CPED1: variants seen among roughly 807,000 people sequenced by gnomAD.
CPED1 encodes the protein cadherin like and PC-esterase domain containing 1.
A neutral mutation model predicts 128.2 loss-of-function variants in CPED1; 114 were observed. The observed-to-expected ratio is 0.89, with a 90% CI of 0.76 to 1.04. CPED1 has a LOEUF of 1.04. Among genes scored for constraint, CPED1 ranks in the 50% least tolerant of loss-of-function variants. CPED1 has a pLI of 0.00. For synonymous variants in CPED1, 462 were observed against 426.7 expected (o/e 1.08, Z -1.02); for missense variants, 1,211 against 1,207.1 (o/e 1.00, Z -0.05).
At chr7:121,141,650 T>C (rs1452547423) in intron 15 of CPED1, among the ~76,000 whole-genome samples, 1 of 152,076 alleles carries the variant, frequency 6.6e-6, no homozygotes, top group Non-Finnish European at 1.5e-5. Flanking sequence ...TTCTAGGTCA[T>C]GGTCTTTATA....
At position 121,133,806 on chromosome 7, in the gene CPED1, T is replaced by C; in HGVS notation, c.1578-17T>C. 6.4e-7 allele frequency: 1 copy of C among 1,566,928 alleles called. No individual in the cohort carries two copies. Among genetic ancestry groups the C allele is most frequent in the South Asian group, 1.2e-5 (1 of 86,674 alleles). ...TTCATTTCATTAATCCAGAGTTGTT[T>C]GGCATTGCATTTGCAGGAATTCTTT... On this transcript the variant is annotated splice_polypyrimidine_tract_variant and intron_variant, in intron 12 of 22. Transcript: ENST00000310396.
At chr7:121,262,531 T>A (rs1015513441) in intron 18 of CPED1, among the ~76,000 whole-genome samples, 1 of 152,058 alleles carries the variant, frequency 6.6e-6, no homozygotes, top group African/African-American at 2.4e-5. Context: ...CATGTCTTTG[T>A]GTTTAAAACC....
chr7:121,118,271 A>C (rs1210043113), intron 7 of CPED1, among the ~76,000 whole-genome samples: 1 of 152,176 alleles, frequency 6.6e-6, no homozygotes, highest in African/African-American at 2.4e-5. Flanking sequence ...TAATTGAATA[A>C]AAAGAAACCG....
At chr7:121,141,889 A>T in intron 15 of CPED1, 84 bp from the exon 16 acceptor site, 1 of 1,029,128 alleles carries the variant, frequency 9.7e-7, no homozygotes, top group Non-Finnish European at 1.5e-6. Flanking sequence ...ATAGGTATTT[A>T]GTAAATATTG....
chr7:121,260,205 T>C (rs1036178985), intron 18 of CPED1, among the ~76,000 whole-genome samples: 5 of 148,172 alleles, frequency 3.4e-5, no homozygotes, highest in South Asian at 4.3e-4. Context: ...GGTGATGTTG[T>C]AGAGTTGCTT....
At chr7:121,211,947 A>G (rs1288766936) in intron 16 of CPED1, among the ~76,000 whole-genome samples, 1 of 152,058 alleles carries the variant, frequency 6.6e-6, no homozygotes, top group African/African-American at 2.4e-5. Flanking sequence ...TGACACTCTT[A>G]TATCTTGACA....
At chr7:121,015,353 A>G (rs985962013) in intron 2 of CPED1, among the ~76,000 whole-genome samples, 1 of 152,190 alleles carries the variant, frequency 6.6e-6, no homozygotes, top group Admixed American at 6.5e-5. Context: ...GATTAAAGGC[A>G]TTGCTATTAA....
intron 3 of CPED1, among the ~76,000 whole-genome samples, chr7:121,041,503 C>T (rs1395745590): frequency 6.6e-6 from 1 of 152,072 alleles, no homozygotes; most frequent in Non-Finnish European, 1.5e-5. Context: ...AGTTGTCCTT[C>T]CTTGAGAATA....
intron 14 of CPED1, among the ~76,000 whole-genome samples, chr7:121,137,342 A>T (rs1481879969): frequency 6.6e-6 from 1 of 151,824 alleles, no homozygotes; most frequent in Non-Finnish European, 1.5e-5. Context: ...TGGACAATTT[A>T]TGCAATTTTG....
At chr7:121,229,898 T>C (rs1798099114) in intron 16 of CPED1, among the ~76,000 whole-genome samples, 2 of 151,934 alleles carry the variant, frequency 1.3e-5, no homozygotes, top group South Asian at 4.1e-4. Context: ...TCACAGAAAG[T>C]AGCACTGGAC....
At chr7:121,136,563 A>C (rs1337311985) in intron 14 of CPED1, among the ~76,000 whole-genome samples, 1 of 152,170 alleles carries the variant, frequency 6.6e-6, no homozygotes, top group East Asian at 1.9e-4. Flanking sequence ...CGAGAAACGT[A>C]AGTACTTTTA....
intron 2 of CPED1, among the ~76,000 whole-genome samples, chr7:121,003,716 C>A (rs952579179): frequency 4.6e-5 from 7 of 152,026 alleles, no homozygotes; most frequent in Admixed American, 2.0e-4. Context: ...AGTGGAGGCA[C>A]CTCTCGAGGG....
intron 12 of CPED1, among the ~76,000 whole-genome samples, chr7:121,132,132 G>A (rs148098483): frequency 4.7e-4 from 72 of 152,098 alleles, no homozygotes; most frequent in African/African-American, 1.6e-3. Flanking sequence ...ACCAGTGAAT[G>A]TGTATATATT....
At chr7:120,990,512 A>G (rs1796293112) in intron 2 of CPED1, among the ~76,000 whole-genome samples, 2 of 152,152 alleles carry the variant, frequency 1.3e-5, no homozygotes, top group Admixed American at 1.3e-4. Context: ...TTACTTGTCA[A>G]ATATTGAAAA....
chr7:121,267,686 A>T (rs979182699), intron 21 of CPED1, among the ~76,000 whole-genome samples: 5 of 152,016 alleles, frequency 3.3e-5, no homozygotes, highest in African/African-American at 1.2e-4. Context: ...GCCAGTTCTT[A>T]TAGAAGATAG....
At chr7:121,175,571 C>T (rs748156408) in intron 16 of CPED1, among the ~76,000 whole-genome samples, 9 of 151,976 alleles carry the variant, frequency 5.9e-5, no homozygotes, top group Non-Finnish European at 4.4e-5. Context: ...AGTTTGGTTC[C>T]AGAATCTTAT....
intron 16 of CPED1, among the ~76,000 whole-genome samples, chr7:121,159,081 C>T (rs1178177408): frequency 3.3e-5 from 5 of 152,006 alleles, no homozygotes; most frequent in African/African-American, 1.2e-4. Flanking sequence ...ATATCTAAAC[C>T]ATACTGGTAT....
At chr7:121,119,311 G>T (rs1795328340) in intron 7 of CPED1, among the ~76,000 whole-genome samples, 1 of 149,654 alleles carries the variant, frequency 6.7e-6, no homozygotes, top group Non-Finnish European at 1.5e-5. Context: ...CTCACTGCAA[G>T]CTCCGCCTCC....
At chr7:121,033,027 C>T (rs1168632847) in intron 3 of CPED1, among the ~76,000 whole-genome samples, 1 of 152,158 alleles carries the variant, frequency 6.6e-6, no homozygotes, top group African/African-American at 2.4e-5. Flanking sequence ...GTTATTTACT[C>T]ATGAAAATGT....
Sources: allele counts gnomAD v4.1 joint callset (sites outside exome capture counted in the v4.1 genomes callset), GRCh38; gene constraint gnomAD v4.1.1; transcripts MANE v1.5; gene names NCBI Gene and HGNC (gene_info 2026-07-23, HGNC 2026-07-21).